The following OLFM2 variants were observed in gnomAD, a reference collection of about 807,000 sequenced individuals.
The protein encoded by OLFM2 is noelin-2.
Under a neutral mutation model 43.9 loss-of-function variants are expected in OLFM2, and 20 were observed. That is an observed-to-expected ratio of 0.46 (90% CI 0.32 to 0.66). OLFM2 has a LOEUF of 0.66. Among genes scored for constraint, OLFM2 ranks in the 30% least tolerant of loss-of-function variants. OLFM2 has a pLI of 0.04. For synonymous variants in OLFM2, 268 were observed against 278.6 expected (o/e 0.96, Z 0.38); for missense variants, 416 against 643.6 (o/e 0.65, Z 3.83).
intron 1 of OLFM2, among the ~76,000 whole-genome samples, chr19:9,915,719 C>T (rs933127704): frequency 4.6e-5 from 7 of 151,818 alleles, no homozygotes; most frequent in East Asian, 3.9e-4. Context: ...GGGGTTTCAC[C>T]GTGTTAGCCA....
At chr19:9,872,493 T>C (rs1474288525) in intron 1 of OLFM2, among the ~76,000 whole-genome samples, 6 of 148,772 alleles carry the variant, frequency 4.0e-5, no homozygotes. Context: ...CCAACCTGGG[T>C]GACAGAGCGA....
chr19:9,893,805 A>G (rs1035279584), intron 1 of OLFM2, among the ~76,000 whole-genome samples: 1 of 152,150 alleles, frequency 6.6e-6, no homozygotes, highest in Non-Finnish European at 1.5e-5. Context: ...TCGCAGGTCT[A>G]TTTCAAGGAT....
chr19:9,913,621 G>A (rs1289230824), intron 1 of OLFM2: 9 of 1,293,276 alleles, frequency 7.0e-6, no homozygotes, highest in South Asian at 1.8e-5. Context: ...CCGACATCGC[G>A]CCTCCGCCTC....
intron 1 of OLFM2, among the ~76,000 whole-genome samples, chr19:9,877,519 G>T (rs2046500848): frequency 6.7e-6 from 1 of 150,204 alleles, no homozygotes; most frequent in Non-Finnish European, 1.5e-5. Flanking sequence ...GGCAACAAGA[G>T]AGAAACTCTG....
At chr19:9,926,323 C>T (rs905575741) in intron 1 of OLFM2, among the ~76,000 whole-genome samples, 8 of 151,772 alleles carry the variant, frequency 5.3e-5, no homozygotes, top group Admixed American at 2.6e-4. Context: ...AAGGCTGAGG[C>T]GGGCGGATCA....
At chr19:9,914,288 G>T (rs899854182) in intron 1 of OLFM2, among the ~76,000 whole-genome samples, 1 of 152,038 alleles carries the variant, frequency 6.6e-6, no homozygotes, top group East Asian at 2.0e-4. Context: ...CGGACAGCGG[G>T]CATTGGGGGG....
chr19:9,930,946 C>G (rs1344369471), intron 1 of OLFM2, among the ~76,000 whole-genome samples: 2 of 152,116 alleles, frequency 1.3e-5, no homozygotes, highest in Non-Finnish European at 2.9e-5. Context: ...GCACCCCCAT[C>G]CCACATACGC....
chr19:9,867,851 A>G (rs2046414331), intron 1 of OLFM2, among the ~76,000 whole-genome samples: 1 of 152,182 alleles, frequency 6.6e-6, no homozygotes, highest in African/African-American at 2.4e-5. Context: ...ATTGTTTAAA[A>G]TTGGACAATT....
At chr19:9,911,804 G>T (rs2046829627) in intron 1 of OLFM2, among the ~76,000 whole-genome samples, 1 of 152,110 alleles carries the variant, frequency 6.6e-6, no homozygotes, top group African/African-American at 2.4e-5. Context: ...TTTCAATGGT[G>T]GTAGAGGGAA....
intron 1 of OLFM2, among the ~76,000 whole-genome samples, chr19:9,862,676 A>G (rs2046372744): frequency 6.6e-6 from 1 of 151,142 alleles, no homozygotes; most frequent in Non-Finnish European, 1.5e-5. Flanking sequence ...GTGAGACCCC[A>G]TCTCTTAAAA....
chr19:9,916,292 G>A (rs1363090297), intron 1 of OLFM2, among the ~76,000 whole-genome samples: 1 of 152,138 alleles, frequency 6.6e-6, no homozygotes, highest in African/African-American at 2.4e-5. Flanking sequence ...AGGAGGCAGA[G>A]GTTGCAGTGA....
intron 2 of OLFM2, among the ~76,000 whole-genome samples, chr19:9,860,244 G>C (rs1367747969): frequency 2.6e-5 from 4 of 152,056 alleles, no homozygotes; most frequent in African/African-American, 9.7e-5. Context: ...TTGGGAGGCT[G>C]AGGCAGGAGG....
At chr19:9,878,205 GAC>G (rs1441444283) in intron 1 of OLFM2, among the ~76,000 whole-genome samples, 1 of 151,968 alleles carries the variant, frequency 6.6e-6, no homozygotes, top group African/African-American at 2.4e-5. Flanking sequence ...AACAGGCCGG[GAC>G]ACATACGCAA....
chr19:9,890,657 T>C (rs1599483527), intron 1 of OLFM2, among the ~76,000 whole-genome samples: 1 of 152,154 alleles, frequency 6.6e-6, no homozygotes, highest in South Asian at 2.1e-4. Flanking sequence ...GTGAATACTT[T>C]AAGAGCCGGT....
Position 9,936,063 on chromosome 19 carries a change from A to G in OLFM2, c.63+241T>C, listed in dbSNP as rs377575038. Among the ~76,000 whole-genome samples, 25 of 151,140 alleles carry G rather than the reference A, an allele frequency of 1.7e-4. No homozygotes were observed. In the South Asian group the frequency reaches 4.8e-3, roughly 29 times the overall value. Reference sequence around the variant, plus strand: ...GGCTCGGGGCCATGGAGGGGTTGAGAACCCCAAAGACGCCACCCCCCAAAC... The same window carrying G: ...GGCTCGGGGCCATGGAGGGGTTGAGGACCCCAAAGACGCCACCCCCCAAAC... On this transcript the variant is annotated intron_variant, in intron 1 of 5. Transcript: ENST00000264833.
At chr19:9,890,821 G>A (rs1438601775) in intron 1 of OLFM2, among the ~76,000 whole-genome samples, 3 of 152,104 alleles carry the variant, frequency 2.0e-5, no homozygotes, top group Non-Finnish European at 2.9e-5. Context: ...GGGCATGGAG[G>A]TGCACACTTA....
At chr19:9,869,687 G>A (rs1169015886) in intron 1 of OLFM2, among the ~76,000 whole-genome samples, 5 of 152,176 alleles carry the variant, frequency 3.3e-5, no homozygotes, top group African/African-American at 1.2e-4. Flanking sequence ...CACAATCATG[G>A]CTCACTTCAG....
At chr19:9,915,786 G>A (rs2046871936) in intron 1 of OLFM2, among the ~76,000 whole-genome samples, 1 of 152,094 alleles carries the variant, frequency 6.6e-6, no homozygotes, top group Non-Finnish European at 1.5e-5. Flanking sequence ...CCAAAGTGCT[G>A]GAATTAGAGG....
intron 1 of OLFM2, among the ~76,000 whole-genome samples, chr19:9,924,982 G>T (rs1394986852): frequency 6.6e-6 from 1 of 151,888 alleles, no homozygotes; most frequent in Non-Finnish European, 1.5e-5. Flanking sequence ...CAAAGTTATG[G>T]CTGGGCGCCG....
Sources: gnomAD v4.1 joint callset for allele counts (sites outside exome capture counted in the v4.1 genomes callset) on GRCh38, gnomAD v4.1.1 for gene constraint, MANE v1.5 for transcripts, NCBI Gene and HGNC (gene_info 2026-07-23, HGNC 2026-07-21) for gene names.